SULF2: variants seen among roughly 807,000 people sequenced by gnomAD.
The protein encoded by SULF2 is extracellular sulfatase Sulf-2.
Under a neutral mutation model 107.7 loss-of-function variants are expected in SULF2, and 52 were observed. That is an observed-to-expected ratio of 0.48 (90% CI 0.39 to 0.61). The LOEUF (loss-of-function observed/expected upper bound fraction) is 0.61. SULF2 is among the 20% of genes least tolerant of loss of function. SULF2 has a pLI of 0.00. For missense variants in SULF2, 993 were observed against 1,177.3 expected, an observed-to-expected ratio of 0.84 and a Z score of 2.29; for synonymous variants, 460 against 464.3, an observed-to-expected ratio of 0.99 and a Z score of 0.12.
chr20:47,773,348 G>A, intron 1 of SULF2, among the ~76,000 whole-genome samples: 1 of 152,256 alleles, frequency 6.6e-6, no homozygotes, highest in East Asian at 1.9e-4. Context: ...ATGAGGAGGT[G>A]GCATAAGGAA....
At chr20:47,769,966 G>A (rs1341049689) in intron 1 of SULF2, among the ~76,000 whole-genome samples, 1 of 152,002 alleles carries the variant, frequency 6.6e-6, no homozygotes, top group Non-Finnish European at 1.5e-5. Flanking sequence ...GCCTGAGGGA[G>A]GGCCGGAAAG....
At chr20:47,706,714 C>T (rs2088750084) in intron 3 of SULF2, 1 of 152,298 alleles carries the variant, frequency 6.6e-6, no homozygotes, top group Non-Finnish European at 1.5e-5. Context: ...CTTGTCCTGT[C>T]TGCGCGGGGA....
chr20:47,729,260 G>T (rs34881944), intron 3 of SULF2, among the ~76,000 whole-genome samples: 16,945 of 152,160 alleles, frequency 0.11, 960 homozygotes, highest in African/African-American at 0.12. Context: ...GGCTGAGAGG[G>T]TTCAGAGAGA....
At chr20:47,709,130 G>C (rs989033584) in intron 3 of SULF2, among the ~76,000 whole-genome samples, 2 of 152,190 alleles carry the variant, frequency 1.3e-5, no homozygotes, top group Non-Finnish European at 2.9e-5. Flanking sequence ...GGGAGATACA[G>C]CCAAGAGAAT....
At position 47,665,259 on chromosome 20, in the gene SULF2, C is replaced by T; in HGVS notation, c.1937G>A (p.Arg646Lys). The change falls in exon 14 of 21, where the codon AGG becomes AAG. Residue 646 changes from arginine (R) to lysine (K), a missense_variant. By Grantham distance (26) the Arg-to-Lys change is conservative (BLOSUM62 2). Around this residue, in one of 3 missense-constraint regions of SULF2, gnomAD observed 497 missense variants for 544.1 expected, o/e 0.91. Transcript: ENST00000688720. ...TTTCTTCAGGTGACCTCGGACTTCCCTCAGGTTCTTAATTTTGTTCTGCAG... is the reference window on the plus strand; with the variant it reads ...TTTCTTCAGGTGACCTCGGACTTCCTTCAGGTTCTTAATTTTGTTCTGCAG... ...ETLQNKIKNL[R>K]EVRGHLKKKR... 1.2e-6 allele frequency: 2 copies of T among 1,613,978 alleles called. No individual in the cohort carries two copies. The highest frequency in any genetic ancestry group is 1.7e-6 in the Non-Finnish European group (2 of 1,179,874).
At position 47,665,250 on chromosome 20, in the gene SULF2, C is replaced by T. The variant is rs373243624; in HGVS notation, c.1946G>A (p.Arg649Gln). 91 of 1,613,962 alleles carry T rather than the reference C, an allele frequency of 5.6e-5. No individual in the cohort carries two copies. Among genetic ancestry groups the T allele is most frequent in the Admixed American group, 1.3e-4 (8 of 60,006 alleles). ...QNKIKNLREV[R>Q]GHLKKKRPEE... ...TGGCCGCTTTTTCTTCAGGTGACCT[C>T]GGACTTCCCTCAGGTTCTTAATTTT... The change falls in exon 14 of 21, where the codon CGA (arginine) becomes CAA (glutamine). Residue 649 changes from arginine (R) to glutamine (Q), a missense_variant. This residue lies in a region of SULF2 where 497 missense variants were observed against 544.1 expected (regional missense o/e 0.91). Transcript: ENST00000688720.
At chr20:47,780,034 T>TTG (rs1271591256) in intron 1 of SULF2, among the ~76,000 whole-genome samples, 2 of 147,614 alleles carry the variant, frequency 1.4e-5, no homozygotes, top group African/African-American at 5.0e-5. Flanking sequence ...TTTTTTTTTT[T>TTG]GAGACAGAGT....
chr20:47,757,499 T>A, intron 1 of SULF2, 36 bp from the exon 2 acceptor site: 1 of 1,036,458 alleles, frequency 9.6e-7, no homozygotes, highest in Non-Finnish European at 1.4e-6. Context: ...AATATTTATG[T>A]CAAGGCTGCC....
intron 7 of SULF2, 30 bp downstream of exon 7, chr20:47,682,964 C>T: frequency 6.4e-7 from 1 of 1,560,158 alleles, no homozygotes; most frequent in Non-Finnish European, 8.7e-7. Context: ...CCAGGGGCCT[C>T]CCTGGGTCCC....
At chr20:47,712,553 G>A (rs1424022653) in intron 3 of SULF2, among the ~76,000 whole-genome samples, 2 of 152,194 alleles carry the variant, frequency 1.3e-5, no homozygotes, top group East Asian at 3.9e-4. Context: ...GAGCCGTGCT[G>A]CACTGTAGCC....
chr20:47,746,452 C>T (rs901141508), intron 2 of SULF2, among the ~76,000 whole-genome samples: 1 of 152,174 alleles, frequency 6.6e-6, no homozygotes, highest in African/African-American at 2.4e-5. Flanking sequence ...CCTCTCCTGG[C>T]CCTCAAATGT....
chr20:47,746,994 A>AAAAAAT (rs1555853890), intron 2 of SULF2, among the ~76,000 whole-genome samples: 12 of 131,888 alleles, frequency 9.1e-5, no homozygotes, highest in African/African-American at 2.3e-4. Flanking sequence ...AAAAAAAAAA[A>AAAAAAT]ATATATATAT....
chr20:47,724,154 G>GC (rs2089372233), intron 3 of SULF2, among the ~76,000 whole-genome samples: 1 of 152,242 alleles, frequency 6.6e-6, no homozygotes, highest in South Asian at 2.1e-4. Flanking sequence ...GGAGATGCCA[G>GC]TTTATCCAAA....
intron 3 of SULF2, among the ~76,000 whole-genome samples, chr20:47,711,362 C>T (rs1057507824): frequency 3.9e-5 from 6 of 152,218 alleles, no homozygotes; most frequent in East Asian, 1.9e-4. Flanking sequence ...GGCAATGAAA[C>T]GACAGTGCAC....
At chr20:47,709,183 T>C (rs917120821) in intron 3 of SULF2, among the ~76,000 whole-genome samples, 4 of 152,176 alleles carry the variant, frequency 2.6e-5, no homozygotes, top group African/African-American at 9.6e-5. Context: ...GCCCAAATTG[T>C]GGCAGGTGGC....
intron 1 of SULF2, among the ~76,000 whole-genome samples, chr20:47,763,475 A>G (rs1039510012): frequency 2.0e-5 from 3 of 152,138 alleles, no homozygotes; most frequent in African/African-American, 7.2e-5. Context: ...AGAGGAGGAG[A>G]GAGAAGTTTG....
chr20:47,746,527 C>T (rs1283130608), intron 2 of SULF2, among the ~76,000 whole-genome samples: 1 of 152,186 alleles, frequency 6.6e-6, no homozygotes, highest in African/African-American at 2.4e-5. Context: ...AAGGCAACAC[C>T]TGCTAATGGG....
intron 2 of SULF2, among the ~76,000 whole-genome samples, chr20:47,749,704 A>G (rs906123871): frequency 1.3e-5 from 2 of 152,092 alleles, no homozygotes; most frequent in African/African-American, 2.4e-5. Flanking sequence ...GGCCGGCCAG[A>G]CCTCTGCTAC....
At chr20:47,693,937 T>C (rs2088288817) in intron 4 of SULF2, among the ~76,000 whole-genome samples, 1 of 152,194 alleles carries the variant, frequency 6.6e-6, no homozygotes, top group Non-Finnish European at 1.5e-5. Flanking sequence ...GCCAGCTCTC[T>C]GCCACCATTC....
Sources: allele counts gnomAD v4.1 joint callset (sites outside exome capture counted in the v4.1 genomes callset), GRCh38; gene constraint gnomAD v4.1.1; regional missense constraint gnomAD v4.1.1; transcripts MANE v1.5; gene names NCBI Gene and HGNC (gene_info 2026-07-23, HGNC 2026-07-21).